MLIP: variants seen among roughly 807,000 people sequenced by gnomAD.
MLIP encodes muscular LMNA-interacting protein.
In MLIP, 79 loss-of-function variants were observed where a neutral mutation model predicts 84.8. The ratio of observed to expected loss-of-function variants is 0.93; its 90% CI spans 0.78 to 1.12. MLIP has a LOEUF of 1.12. Ranked by LOEUF, MLIP falls within the 50% of genes most tolerant of loss-of-function variation. The pLI, the probability that MLIP is intolerant of heterozygous loss-of-function variation, is 0.00. For synonymous variants in MLIP, 504 were observed against 463.0 expected (o/e 1.09, Z -1.14); for missense variants, 1,257 against 1,160.6 (o/e 1.08, Z -1.21).
chr6:54,113,672 T>A (rs1314807383), intron 1 of MLIP, among the ~76,000 whole-genome samples: 1 of 151,734 alleles, frequency 6.6e-6, no homozygotes, highest in Non-Finnish European at 1.5e-5. Flanking sequence ...TACTCAGTCT[T>A]AATGCCAAAG....
At chr6:54,090,788 AGC>A (rs1767820796) in intron 1 of MLIP, among the ~76,000 whole-genome samples, 1 of 152,050 alleles carries the variant, frequency 6.6e-6, no homozygotes, top group Non-Finnish European at 1.5e-5. Context: ...TAAAGTTCCA[AGC>A]CATGGACTCA....
chr6:54,162,966 G>A (rs971428829), intron 8 of MLIP, among the ~76,000 whole-genome samples: 2 of 151,994 alleles, frequency 1.3e-5, no homozygotes, highest in African/African-American at 4.8e-5. Context: ...TATCATGGAA[G>A]CTATAAGAAG....
intron 1 of MLIP, among the ~76,000 whole-genome samples, chr6:54,069,484 G>A (rs2150341539): frequency 1.0e-5 from 1 of 100,000 alleles, no homozygotes; most frequent in South Asian, 3.6e-4. Flanking sequence ...CCCTCTTGCA[G>A]GTAACAAAAT....
intron 11 of MLIP, among the ~76,000 whole-genome samples, chr6:54,206,645 T>C (rs1779051658): frequency 1.3e-5 from 2 of 152,156 alleles, no homozygotes; most frequent in Admixed American, 1.3e-4. Flanking sequence ...TTTTTAGACA[T>C]CTGACTTGCC....
chr6:54,169,404 T>C (rs1418612636), intron 8 of MLIP, 124 bp from the exon 9 acceptor site: 1 of 463,868 alleles, frequency 2.2e-6, no homozygotes, highest in Non-Finnish European at 3.7e-6. Flanking sequence ...AAAAATGATA[T>C]TGTATAGAGA....
At chr6:54,229,327 A>C (rs1780816027) in intron 11 of MLIP, among the ~76,000 whole-genome samples, 1 of 152,224 alleles carries the variant, frequency 6.6e-6, no homozygotes, top group African/African-American at 2.4e-5. Flanking sequence ...TGTAAAGAGG[A>C]TATTATCTTT....
At chr6:54,109,133 CAT>C (rs200902142), upstream of MLIP, among the ~76,000 whole-genome samples, 1 of 150,218 alleles carries the variant, frequency 6.7e-6, no homozygotes. Context: ...CATATATATT[CAT>C]ATATATATGA....
At chr6:54,185,500 T>G (rs1777301532) in intron 9 of MLIP, among the ~76,000 whole-genome samples, 1 of 152,274 alleles carries the variant, frequency 6.6e-6, no homozygotes, top group Non-Finnish European at 1.5e-5. Flanking sequence ...AAAAAGATAT[T>G]TAGATTTTTT....
chr6:54,091,770 A>G (rs1046690299), intron 1 of MLIP, among the ~76,000 whole-genome samples: 1 of 152,170 alleles, frequency 6.6e-6, no homozygotes, highest in Non-Finnish European at 1.5e-5. Context: ...GCCTCCAGTT[A>G]TAGATCTCTT....
At chr6:54,057,959 A>T (rs956868797) in intron 1 of MLIP, 4 of 152,198 alleles carry the variant, frequency 2.6e-5, no homozygotes, top group Admixed American at 1.3e-4. Flanking sequence ...GTAATAATAC[A>T]CCATGTTGAC....
chr6:54,251,788 TATATA>T (rs1286482194), intron 12 of MLIP, among the ~76,000 whole-genome samples: 1 of 97,998 alleles, frequency 1.0e-5, no homozygotes, highest in Middle Eastern at 0.013. Context: ...TAACATATAA[TATATA>T]ATATAAATAT....
At chr6:54,140,532 A>G (rs1219274557) in intron 4 of MLIP, among the ~76,000 whole-genome samples, 1 of 152,214 alleles carries the variant, frequency 6.6e-6, no homozygotes, top group African/African-American at 2.4e-5. Flanking sequence ...TGAACAGAAA[A>G]AAAAGCTTCT....
chr6:54,045,229 T>A (rs554277086), intron 1 of MLIP, among the ~76,000 whole-genome samples: 4 of 151,766 alleles, frequency 2.6e-5, no homozygotes, highest in African/African-American at 7.3e-5. Context: ...GCACCTGTAA[T>A]CCCAGCTACT....
At chr6:54,048,212 C>G (rs1465521985) in intron 1 of MLIP, among the ~76,000 whole-genome samples, 1 of 152,090 alleles carries the variant, frequency 6.6e-6, no homozygotes, top group Non-Finnish European at 1.5e-5. Flanking sequence ...GCCATTTTTG[C>G]TGAAAAGATC....
chr6:54,164,820 C>A (rs1775015399), intron 8 of MLIP, among the ~76,000 whole-genome samples: 1 of 151,514 alleles, frequency 6.6e-6, no homozygotes, highest in Non-Finnish European at 1.5e-5. Flanking sequence ...GATTAGTAGT[C>A]CACTGTGTGG....
chr6:54,109,577 C>T (rs746324279), upstream of MLIP, among the ~76,000 whole-genome samples: 3 of 152,022 alleles, frequency 2.0e-5, no homozygotes, highest in Non-Finnish European at 2.9e-5. Context: ...GCTTGAAATA[C>T]TTGCTATTCC....
In MLIP at chr6:54,090,661, ATGTG is replaced by A. The variant is rs145816939; in HGVS notation, c.64-30765_64-30762del. Among the ~76,000 whole-genome samples the A allele has an allele frequency of 5.4e-3, 794 of 147,290 alleles. 9 individuals carry two copies. Among genetic ancestry groups the A allele is most frequent in the African/African-American group, 0.019 (747 of 40,264 alleles). On this transcript the variant is annotated intron_variant, in intron 1 of 12. Coordinates refer to the MLIP transcript ENST00000274897. ...AAGTATTGTATCTGTGTGTGTGTGTATGTGTGTGTGTGTGTGTGTGTGTGAGACA... is the reference window on the plus strand; with the variant it reads ...AAGTATTGTATCTGTGTGTGTGTGTATGTGTGTGTGTGTGTGTGTGAGACA...
At chr6:54,133,914 G>T (rs1771595480) in intron 3 of MLIP, among the ~76,000 whole-genome samples, 1 of 152,064 alleles carries the variant, frequency 6.6e-6, no homozygotes, top group African/African-American at 2.4e-5. Context: ...CATAGTTCTG[G>T]GTATTGGAAA....
Position 54,179,209 on chromosome 6 carries a change from T to C in MLIP, c.2544+9637T>C, listed in dbSNP as rs79034287. ...GTATCTATTGTGTCTGATCTAAGTA[T>C]AGCTACTTGTGCTCTATTTTGGTTT... On this transcript the variant is annotated intron_variant, in intron 9 of 13. Transcript: ENST00000502396. 1.4e-3 allele frequency among the ~76,000 whole-genome samples: 217 copies of C among 152,334 alleles called. 4 individuals are homozygous for C. In the East Asian group the frequency reaches 0.039, roughly 27 times the overall value.
Sources: allele counts gnomAD v4.1 joint callset (sites outside exome capture counted in the v4.1 genomes callset), GRCh38; gene constraint gnomAD v4.1.1; transcripts MANE v1.5; gene names NCBI Gene and HGNC (gene_info 2026-07-23, HGNC 2026-07-21).